The following GLRA2 variants were observed in gnomAD, a reference collection of about 807,000 sequenced individuals.
GLRA2 encodes glycine receptor alpha 2.
A neutral mutation model predicts 31.6 loss-of-function variants in GLRA2; 11 were observed. The observed-to-expected ratio is 0.35, with a 90% CI of 0.22 to 0.58. The LOEUF (loss-of-function observed/expected upper bound fraction) is 0.58. GLRA2 is among the 20% of genes least tolerant of loss of function. The probability of loss-of-function intolerance (pLI) is 0.84; values close to 1 mark genes in which losing one functional copy is unlikely to be tolerated. For synonymous variants in GLRA2, 132 were observed against 134.0 expected, an observed-to-expected ratio of 0.99 and a Z score of 0.10; for missense variants, 212 against 351.8, an observed-to-expected ratio of 0.60 and a Z score of 3.18.
At chrX:14,702,750 G>A (rs779655470) in intron 8 of GLRA2, among the ~76,000 whole-genome samples, 1 of 111,154 alleles carries the variant, frequency 9.0e-6, no homozygotes, top group Non-Finnish European at 1.9e-5. Flanking sequence ...AGGGATTGGG[G>A]GCCATATCAA....
At chrX:14,693,481 T>G (rs2091395004) in intron 8 of GLRA2, among the ~76,000 whole-genome samples, 1 of 111,537 alleles carries the variant, frequency 9.0e-6, no homozygotes, top group Non-Finnish European at 1.9e-5. Context: ...AAGTTTAAAT[T>G]GACAGATATA....
At chrX:14,473,237 T>C in the GLRA2 span, among the ~76,000 whole-genome samples, 1 of 110,461 alleles carries the variant, frequency 9.1e-6, no homozygotes, top group Non-Finnish European at 1.9e-5. Flanking sequence ...AAAAAATTCA[T>C]ATTACATATG....
In GLRA2 at chrX:14,574,598, A is replaced by T. The variant is rs773520655; in HGVS notation, c.270+198A>T. On this transcript the variant is annotated intron_variant, in intron 3 of 8. Coordinates refer to ENST00000218075, the MANE Select transcript of GLRA2 (RefSeq NM_002063.4). ...AGCATTGAAGCCATCGTGTGAAGGAATGGGATGTGGGATTGAAGTGCACTG... is the reference window on the plus strand; with the variant it reads ...AGCATTGAAGCCATCGTGTGAAGGATTGGGATGTGGGATTGAAGTGCACTG... 2.0e-5 allele frequency: 20 copies of T among 1,004,214 alleles called. No individual in the cohort carries two copies. The African/African-American group carries it at 3.6e-4, about 18-fold the overall frequency. 82.8% of individuals were successfully genotyped at this position (1,004,214 alleles called of 1,213,427 possible). A position where few individuals can be genotyped will look rare whatever the true frequency, so the allele number is the denominator to read the frequency against.
At chrX:14,721,747 A>G (rs2091868992) in intron 8 of GLRA2, among the ~76,000 whole-genome samples, 1 of 111,158 alleles carries the variant, frequency 9.0e-6, no homozygotes, top group Non-Finnish European at 1.9e-5. Flanking sequence ...ATTTCCTCCA[A>G]CTTCTACTTG....
At chrX:14,508,840 G>A in the GLRA2 span, among the ~76,000 whole-genome samples, 1 of 111,634 alleles carries the variant, frequency 9.0e-6, no homozygotes, top group African/African-American at 3.3e-5. Context: ...TCTGCTAAAT[G>A]GTAGAACCAG....
At chrX:14,620,348 A>T (rs1160638595) in intron 7 of GLRA2, among the ~76,000 whole-genome samples, 1 of 109,329 alleles carries the variant, frequency 9.1e-6, no homozygotes. Context: ...TTATTCTCTG[A>T]ATTCTGATAA....
intron 7 of GLRA2, among the ~76,000 whole-genome samples, chrX:14,650,367 GAAA>G (rs750896033): frequency 9.9e-6 from 1 of 101,091 alleles, no homozygotes; most frequent in Non-Finnish European, 2.0e-5. Context: ...GTTCTGTTCA[GAAA>G]AAAAAAAACA....
chrX:14,683,550 A>G (rs906150476), intron 7 of GLRA2, among the ~76,000 whole-genome samples: 1 of 111,202 alleles, frequency 9.0e-6, no homozygotes, highest in East Asian at 2.8e-4. Context: ...TCTTTAGTTT[A>G]ATTAGATCCC....
intron 4 of GLRA2, among the ~76,000 whole-genome samples, chrX:14,603,293 T>C (rs1266810816): frequency 1.8e-5 from 2 of 111,872 alleles, no homozygotes; most frequent in East Asian, 5.6e-4. Context: ...TTCTTGCTAA[T>C]TTGTTTGAGT....
chrX:14,493,410 A>G, the GLRA2 span, among the ~76,000 whole-genome samples: 3 of 108,335 alleles, frequency 2.8e-5, no homozygotes, highest in East Asian at 2.9e-4. Flanking sequence ...AGGCTAATCT[A>G]AAAAGGCTAC....
chrX:14,663,926 C>T (rs2091015529), intron 7 of GLRA2, among the ~76,000 whole-genome samples: 1 of 110,482 alleles, frequency 9.1e-6, no homozygotes. Flanking sequence ...GTGTTCTTTC[C>T]CATTATTGTT....
chrX:14,624,773 T>C (rs781152937), intron 7 of GLRA2, among the ~76,000 whole-genome samples: 66 of 111,875 alleles, frequency 5.9e-4, no homozygotes, highest in Middle Eastern at 4.6e-3. Context: ...CTTCCAACTA[T>C]GTGGTGAATT....
chrX:14,670,512 G>A (rs1339094484), intron 7 of GLRA2, among the ~76,000 whole-genome samples: 1 of 111,931 alleles, frequency 8.9e-6, no homozygotes, highest in Non-Finnish European at 1.9e-5. Flanking sequence ...TGGCTGGGGA[G>A]GCCTCACAAT....
chrX:14,534,208 G>C (rs1346519704), intron 2 of GLRA2, among the ~76,000 whole-genome samples: 2 of 94,408 alleles, frequency 2.1e-5, no homozygotes, highest in African/African-American at 3.7e-5. Flanking sequence ...GCAAAGTGTG[G>C]CCATGTTTTT....
intron 7 of GLRA2, among the ~76,000 whole-genome samples, chrX:14,647,203 G>A (rs2090841087): frequency 8.9e-6 from 1 of 112,207 alleles, no homozygotes; most frequent in Admixed American, 9.4e-5. Flanking sequence ...ACACCAATGT[G>A]GGTGCCCCAG....
rs1373885917 is a variant in GLRA2, at chrX:14,544,301, G to C, written c.202+11929G>C. On this transcript the variant is annotated intron_variant, in intron 2 of 8. Coordinates refer to ENST00000218075, the MANE Select transcript of GLRA2 (RefSeq NM_002063.4). ...GTTTTAGTCTTTATGATTTACAAAA[G>C]CTGACAAATATATACATTTAAACAA... Among the ~76,000 whole-genome samples, 3 of 111,837 alleles carry C rather than the reference G, an allele frequency of 2.7e-5. No individual in the cohort carries two copies. In the Admixed American group the frequency reaches 2.8e-4, roughly 11 times the overall value.
chrX:14,721,379 T>G (rs1372476208), intron 8 of GLRA2, among the ~76,000 whole-genome samples: 5 of 111,495 alleles, frequency 4.5e-5, no homozygotes, highest in African/African-American at 1.6e-4. Flanking sequence ...GTTAATTACC[T>G]TGAGTTAATC....
At chrX:14,454,222 G>A in the GLRA2 span, among the ~76,000 whole-genome samples, 17 of 91,959 alleles carry the variant, frequency 1.8e-4, no homozygotes, top group South Asian at 5.2e-4. Context: ...ACACACACAC[G>A]CACACATACA....
chrX:14,670,646 T>G (rs776672843), intron 7 of GLRA2, among the ~76,000 whole-genome samples: 1 of 110,971 alleles, frequency 9.0e-6, no homozygotes, highest in Non-Finnish European at 1.9e-5. Flanking sequence ...TTCACTATCA[T>G]GACAACAGCA....
Sources: gnomAD v4.1 joint callset for allele counts (sites outside exome capture counted in the v4.1 genomes callset) on GRCh38, gnomAD v4.1.1 for gene constraint, MANE v1.5 for transcripts, NCBI Gene and HGNC (gene_info 2026-07-23, HGNC 2026-07-21) for gene names.